SSBP3: variants seen among roughly 807,000 people sequenced by gnomAD.
SSBP3 encodes single stranded DNA binding protein 3, also known as single-stranded DNA-binding protein 3.
Under a neutral mutation model 69.6 loss-of-function variants are expected in SSBP3, and 5 were observed. The ratio of observed to expected loss-of-function variants is 0.07; its 90% CI spans 0.04 to 0.15. The LOEUF is 0.15. Among genes scored for constraint, SSBP3 ranks in the 10% least tolerant of loss-of-function variants. The probability of loss-of-function intolerance (pLI) is 1.00; values close to 1 mark genes in which losing one functional copy is unlikely to be tolerated. For synonymous variants in SSBP3, 196 were observed against 193.4 expected (o/e 1.01, Z -0.11); for missense variants, 312 against 534.0 (o/e 0.58, Z 4.10).
rs529485636 is a variant in SSBP3, at chr1:54,228,905, C to T, written c.928-79G>A. 1.1e-3 allele frequency: 1,529 copies of T among 1,443,520 alleles called. 2 individuals carry two copies. Among genetic ancestry groups the T allele is most frequent in the Non-Finnish European group, 1.2e-3 (1,275 of 1,046,624 alleles). The allele number at this position is 1,443,520 out of a possible 1,614,324, so 89.4% of individuals were successfully genotyped here. ...CCTCACAGGCAGGGGGCTGCAGCCA[C>T]GCTTGAGTCCTGGCCCTGGGGAACC... On this transcript the variant is annotated intron_variant, in intron 14 of 17. Transcript: ENST00000610401.
intron 13 of SSBP3, among the ~76,000 whole-genome samples, chr1:54,240,106 GTGCGCGCGCGCGCGCAA>G (rs1557449061): frequency 0.28 from 1,550 of 5,574 alleles, 43 homozygotes; most frequent in Middle Eastern, 0.5. Context: ...GCGCGTGTGC[GTGCGCGCGCGCGCGCAA>G]CACATGCCCA....
chr1:54,250,159 G>A (rs760900985), intron 9 of SSBP3, among the ~76,000 whole-genome samples: 12 of 152,226 alleles, frequency 7.9e-5, no homozygotes, highest in Non-Finnish European at 1.6e-4. Context: ...AGGCAGGAAG[G>A]GGCCACTCTG....
chr1:54,362,035 G>A (rs1020931564), intron 4 of SSBP3, among the ~76,000 whole-genome samples: 3 of 152,144 alleles, frequency 2.0e-5, no homozygotes, highest in African/African-American at 7.2e-5. Flanking sequence ...TTCTTGGGTG[G>A]TTTAAGGCAA....
intron 4 of SSBP3, among the ~76,000 whole-genome samples, chr1:54,294,187 G>GA (rs1307591554): frequency 9.4e-6 from 1 of 106,218 alleles, no homozygotes; most frequent in Non-Finnish European, 2.0e-5. Context: ...AAGAAAGAAA[G>GA]AAAGAAAAGA....
intron 4 of SSBP3, among the ~76,000 whole-genome samples, chr1:54,304,050 G>A (rs1237858266): frequency 6.6e-6 from 1 of 152,148 alleles, no homozygotes; most frequent in Non-Finnish European, 1.5e-5. Flanking sequence ...ACCGGAGAAG[G>A]TGGCCCTTGT....
chr1:54,315,825 C>G (rs893518687), intron 4 of SSBP3, among the ~76,000 whole-genome samples: 2 of 152,022 alleles, frequency 1.3e-5, no homozygotes, highest in African/African-American at 4.8e-5. Flanking sequence ...CTATGCCCAG[C>G]TGATTTTTTT....
At chr1:54,226,932 A>G (rs1217378063) in exon 18 of SSBP3, 2 of 603,190 alleles carry the variant, frequency 3.3e-6, no homozygotes, top group Non-Finnish European at 6.1e-6. Flanking sequence ...GTTTTATGGA[A>G]TAAAAAGTTT....
intron 1 of SSBP3, among the ~76,000 whole-genome samples, chr1:54,405,750 C>T (rs1421663915): frequency 6.6e-6 from 1 of 151,498 alleles, no homozygotes; most frequent in Admixed American, 6.6e-5. Flanking sequence ...CCCGATCCCC[C>T]AACCTCCGCC....
intron 4 of SSBP3, among the ~76,000 whole-genome samples, chr1:54,371,197 T>C (rs746373282): frequency 1.3e-5 from 2 of 152,216 alleles, no homozygotes; most frequent in Non-Finnish European, 2.9e-5. Flanking sequence ...AGGCAAACAC[T>C]ATTCTCAGAT....
At chr1:54,243,021 C>A (rs536174312) in intron 10 of SSBP3, 3 of 559,762 alleles carry the variant, frequency 5.4e-6, no homozygotes, top group Non-Finnish European at 9.6e-6. Flanking sequence ...AGCTGATGCA[C>A]GCAGCATGCC....
At chr1:54,316,705 T>TAAATAAAATAAAATA (rs1215940242) in intron 4 of SSBP3, among the ~76,000 whole-genome samples, 6 of 80,804 alleles carry the variant, frequency 7.4e-5, no homozygotes, top group African/African-American at 2.9e-4. Context: ...AATAAATAAA[T>TAAATAAAATAAAATA]AAATAAAATA....
intron 4 of SSBP3, among the ~76,000 whole-genome samples, chr1:54,297,099 G>T (rs1343041653): frequency 1.3e-5 from 2 of 152,184 alleles, no homozygotes; most frequent in Non-Finnish European, 2.9e-5. Context: ...TTCCTGGCTG[G>T]ATCCAGACAT....
chr1:54,240,121 CAA>C lies in SSBP3; in HGVS notation c.856+782_856+783del, dbSNP rs1644601902. Among the ~76,000 whole-genome samples the C allele has an allele frequency of 6.5e-3, 88 of 13,488 alleles. 1 individual carries two copies. The highest frequency in any genetic ancestry group is 0.056 in the South Asian group (25 of 448). 8.8% of individuals were successfully genotyped at this position (13,488 alleles called of 152,430 possible). A position where few individuals can be genotyped will look rare whatever the true frequency, so the allele number is the denominator to read the frequency against. On this transcript the variant is annotated intron_variant, in intron 13 of 17. Transcript: ENST00000610401. ...GCGCGTGTGCGTGCGCGCGCGCGCG[CAA>C]CACATGCCCACGTATGTGCACGCAT...
intron 4 of SSBP3, among the ~76,000 whole-genome samples, chr1:54,377,752 C>T (rs527429093): frequency 7.9e-5 from 12 of 152,144 alleles, no homozygotes; most frequent in Non-Finnish European, 1.0e-4. Flanking sequence ...GTTGGTGATA[C>T]GTCCTAGAAA....
intron 4 of SSBP3, among the ~76,000 whole-genome samples, chr1:54,333,927 T>A (rs1211744382): frequency 6.6e-6 from 1 of 151,972 alleles, no homozygotes; most frequent in Non-Finnish European, 1.5e-5. Flanking sequence ...TAGGCAGGCA[T>A]GGTGATGTGT....
intron 14 of SSBP3, among the ~76,000 whole-genome samples, chr1:54,233,848 G>A (rs1268518638): frequency 6.6e-6 from 1 of 152,254 alleles, no homozygotes; most frequent in Non-Finnish European, 1.5e-5. Flanking sequence ...TCTGGGAGGT[G>A]TGCCCAACAG....
intron 4 of SSBP3, among the ~76,000 whole-genome samples, chr1:54,294,592 G>T (rs1304606030): frequency 2.0e-5 from 3 of 152,238 alleles, no homozygotes; most frequent in Non-Finnish European, 4.4e-5. Flanking sequence ...CATTCCCACA[G>T]TGGAAGAAGA....
At chr1:54,404,691 G>A in intron 2 of SSBP3, 54 bp from the exon 3 acceptor site, 2 of 1,604,936 alleles carry the variant, frequency 1.2e-6, no homozygotes, top group South Asian at 2.2e-5. Context: ...GGTGGGCTGG[G>A]GGCTTCCCAG....
intron 15 of SSBP3, 72 bp from the exon 16 acceptor site, chr1:54,228,549 C>T: frequency 6.3e-7 from 1 of 1,593,028 alleles, no homozygotes; most frequent in Non-Finnish European, 8.6e-7. Context: ...TCGTCCTGGG[C>T]TCCTCGGGCC....
Sources: allele counts gnomAD v4.1 joint callset (sites outside exome capture counted in the v4.1 genomes callset), GRCh38; gene constraint gnomAD v4.1.1; transcripts MANE v1.5; gene names NCBI Gene and HGNC (gene_info 2026-07-23, HGNC 2026-07-21).